Variants in STAMBPL1 observed in about 807,000 individuals in gnomAD.
STAMBPL1 encodes the protein STAM binding protein like 1.
A neutral mutation model predicts 52.9 loss-of-function variants in STAMBPL1; 44 were observed. The observed-to-expected ratio is 0.83, with a 90% CI of 0.65 to 1.07. The LOEUF (loss-of-function observed/expected upper bound fraction) is 1.07, where lower values mean the gene tolerates loss of function less well. Among genes scored for constraint, STAMBPL1 ranks in the 50% least tolerant of loss-of-function variants. STAMBPL1 has a pLI of 0.00. For synonymous variants in STAMBPL1, 164 were observed against 177.3 expected (o/e 0.92, Z 0.60); for missense variants, 511 against 520.8 (o/e 0.98, Z 0.18).
intron 1 of STAMBPL1, among the ~76,000 whole-genome samples, chr10:88,887,974 G>A (rs1844580566): frequency 6.6e-6 from 1 of 152,088 alleles, no homozygotes; most frequent in Non-Finnish European, 1.5e-5. Context: ...TCCTGATTTC[G>A]ATAGACAGTT....
At chr10:88,922,169 C>T (rs990403433) in intron 9 of STAMBPL1, among the ~76,000 whole-genome samples, 168 bp from the exon 10 acceptor site, 1 of 152,014 alleles carries the variant, frequency 6.6e-6, no homozygotes, top group Non-Finnish European at 1.5e-5. Flanking sequence ...CTGGGTTTCT[C>T]TCCTCTGGAC....
In STAMBPL1 at chr10:88,896,618, G is replaced by A. The variant is rs188265527; in HGVS notation, c.-53-5038G>A. Reference sequence around the variant, plus strand: ...GCTCTGTCCTCTCTTAACTGCCAATGGGCCACACCTACTTATCCAGGTCAC... The same window carrying A: ...GCTCTGTCCTCTCTTAACTGCCAATAGGCCACACCTACTTATCCAGGTCAC... On this transcript the variant is annotated intron_variant, in intron 1 of 10. Coordinates refer to ENST00000371926, the MANE Select transcript of STAMBPL1 (RefSeq NM_020799.4). Among the ~76,000 whole-genome samples, 286 of 152,228 alleles carry A rather than the reference G, an allele frequency of 1.9e-3. 2 individuals carry two copies. The highest frequency in any genetic ancestry group is 3.5e-3 in the Non-Finnish European group (241 of 68,022).
chr10:88,890,948 G>A (rs1160093558), intron 1 of STAMBPL1, among the ~76,000 whole-genome samples: 1 of 152,174 alleles, frequency 6.6e-6, no homozygotes, highest in African/African-American at 2.4e-5. Context: ...TCCAGAGTAT[G>A]TGTGTTTAAT....
chr10:88,890,243 T>C (rs917356352), intron 1 of STAMBPL1, among the ~76,000 whole-genome samples: 1 of 152,208 alleles, frequency 6.6e-6, no homozygotes, highest in Non-Finnish European at 1.5e-5. Flanking sequence ...GTGGGACTTA[T>C]TAAGGTTATA....
chr10:88,910,587 G>A (rs1050955443), intron 4 of STAMBPL1, among the ~76,000 whole-genome samples: 25 of 152,276 alleles, frequency 1.6e-4, no homozygotes, highest in Non-Finnish European at 2.6e-4. Flanking sequence ...ACAAGTCATT[G>A]ATCTCAAACT....
chr10:88,911,133 G>A (rs2133192042), intron 5 of STAMBPL1, 122 bp downstream of exon 5: 1 of 605,714 alleles, frequency 1.7e-6, no homozygotes, highest in Admixed American at 4.1e-5. Context: ...TAAAGATGCA[G>A]TGATATGGAA....
At chr10:88,911,377 T>G (rs1422714514) in intron 5 of STAMBPL1, among the ~76,000 whole-genome samples, 1 of 152,252 alleles carries the variant, frequency 6.6e-6, no homozygotes, top group Non-Finnish European at 1.5e-5. Flanking sequence ...GTTTCTGATG[T>G]GCCTAATGAT....
chr10:88,907,443 C>T (rs1016205985), intron 3 of STAMBPL1, among the ~76,000 whole-genome samples: 3 of 152,092 alleles, frequency 2.0e-5, no homozygotes, highest in African/African-American at 7.2e-5. Flanking sequence ...CAAACTTTTC[C>T]AATAATTTTT....
intron 3 of STAMBPL1, among the ~76,000 whole-genome samples, 169 bp downstream of exon 3, chr10:88,905,829 G>A (rs888610091): frequency 6.6e-6 from 1 of 152,132 alleles, no homozygotes; most frequent in Non-Finnish European, 1.5e-5. Context: ...GTACTCACAG[G>A]CATCCCAACA....
chr10:88,921,139 A>C, intron 8 of STAMBPL1, 144 bp from the exon 9 acceptor site: 1 of 595,040 alleles, frequency 1.7e-6, no homozygotes, highest in Non-Finnish European at 2.9e-6. Flanking sequence ...AAAGGGAAGG[A>C]TTATGTCAGC....
In STAMBPL1 at chr10:88,916,668, A is replaced by G. The variant is rs1217805707; in HGVS notation, c.904-12A>G. The G allele has an allele frequency of 5.2e-6, 8 of 1,544,204 alleles. No individual in the cohort carries two copies. Among genetic ancestry groups the G allele is most frequent in the Middle Eastern group, 1.7e-4 (1 of 5,728 alleles). On this transcript the variant is annotated splice_polypyrimidine_tract_variant and intron_variant, in intron 7 of 10. Coordinates refer to ENST00000371926, the MANE Select transcript of STAMBPL1 (RefSeq NM_020799.4). ...TGAGATGCATGTCATTCTTTCTGCT[A>G]TTGTTTTTTAGACACATAATGAATT...
In STAMBPL1 at chr10:88,916,677, T is replaced by C. The variant is rs762674781; in HGVS notation, c.904-3T>C. On this transcript the variant is annotated splice_polypyrimidine_tract_variant and splice_region_variant and intron_variant, in intron 7 of 10. Transcript: ENST00000371926. ...TGTCATTCTTTCTGCTATTGTTTTT[T>C]AGACACATAATGAATTTACTATTAC... 1 of 1,592,300 alleles carries C rather than the reference T, an allele frequency of 6.3e-7. No homozygotes were observed. The highest frequency in any genetic ancestry group is 8.5e-7 in the Non-Finnish European group (1 of 1,173,064).
rs759218895 is a variant in STAMBPL1 at position 88,913,219 on chromosome 10, T to C, written c.539T>C (p.Phe180Ser). 6.2e-7 allele frequency: 1 copy of C among 1,613,866 alleles called. No individual in the cohort carries two copies. The highest frequency in any genetic ancestry group is 1.1e-5 in the South Asian group (1 of 91,082). Residue 180 changes from phenylalanine to serine, a missense_variant, in exon 6 of 11, where the codon TTC (phenylalanine) becomes TCC (serine). By Grantham distance (155) the Phe-to-Ser change is radical. This residue lies in a region of STAMBPL1 where 358 missense variants were observed against 343.5 expected (regional missense o/e 1.04). Transcript: ENST00000371926. ...CTAGAATCGGAGCAGTTTCTGTTTT[T>C]CGAAGATCAACTCAAGAAGCAAGAG... Reference protein sequence around the residue: ...QQLESEQFLFFEDQLKKQELA... With the variant: ...QQLESEQFLFSEDQLKKQELA...
At chr10:88,915,400 C>G (rs1353242339) in intron 7 of STAMBPL1, among the ~76,000 whole-genome samples, 34 of 152,172 alleles carry the variant, frequency 2.2e-4, no homozygotes, top group Non-Finnish European at 4.4e-5. Context: ...TACACAATCT[C>G]CTGCTGCATT....
At position 88,905,503 on chromosome 10, in the gene STAMBPL1, C is replaced by T. The variant is rs754439542; in HGVS notation, c.91C>T (p.Arg31Cys). ...DVSLSPEERV[R>C]ALSKLGCNIT... ...TTCCCTAAGCCCAGAAGAGCGAGTC[C>T]GTGCCCTAAGCAAGCTTGGTTGTAA... Residue 31 changes from arginine to cysteine, a missense_variant, in exon 3 of 11, where the codon CGT becomes TGT. This residue lies in a region of STAMBPL1 where 358 missense variants were observed against 343.5 expected (regional missense o/e 1.04). Transcript: ENST00000371926. The T allele has an allele frequency of 6.8e-6, 11 of 1,614,062 alleles. No homozygotes were observed. Among genetic ancestry groups the T allele is most frequent in the Non-Finnish European group, 5.9e-6 (7 of 1,180,000 alleles).
chr10:88,911,230 A>C (rs1384602071), intron 5 of STAMBPL1, among the ~76,000 whole-genome samples: 8 of 152,226 alleles, frequency 5.3e-5, no homozygotes, highest in Non-Finnish European at 1.0e-4. Flanking sequence ...CTAACAAAGC[A>C]ATGTGTTAGA....
intron 1 of STAMBPL1, among the ~76,000 whole-genome samples, chr10:88,899,272 A>G (rs576967133): frequency 6.6e-6 from 1 of 152,268 alleles, no homozygotes; most frequent in Non-Finnish European, 1.5e-5. Flanking sequence ...TTGTTTGGAA[A>G]CCTCATGTAT....
At chr10:88,885,324 G>A (rs1034919142) in intron 1 of STAMBPL1, among the ~76,000 whole-genome samples, 1 of 151,942 alleles carries the variant, frequency 6.6e-6, no homozygotes, top group Non-Finnish European at 1.5e-5. Flanking sequence ...CTCCAATGTA[G>A]AATTAGTAGC....
chr10:88,885,022 T>C (rs1182070102), intron 1 of STAMBPL1, among the ~76,000 whole-genome samples: 1 of 152,254 alleles, frequency 6.6e-6, no homozygotes, highest in Admixed American at 6.5e-5. Context: ...TATGTGTTCG[T>C]TGTTATTCTT....
Sources: gnomAD v4.1 joint callset for allele counts (sites outside exome capture counted in the v4.1 genomes callset) on GRCh38, gnomAD v4.1.1 for gene constraint, gnomAD v4.1.1 regional missense constraint, MANE v1.5 for transcripts, NCBI Gene and HGNC (gene_info 2026-07-23, HGNC 2026-07-21) for gene names.